The following SLC24A5 variants were observed in gnomAD, a reference collection of about 807,000 sequenced individuals.
The protein encoded by SLC24A5 is solute carrier family 24 member 5, also known as sodium/potassium/calcium exchanger 5.
Under a neutral mutation model 51.6 loss-of-function variants are expected in SLC24A5, and 46 were observed. The ratio of observed to expected loss-of-function variants is 0.89; its 90% CI spans 0.70 to 1.14. The LOEUF is 1.14. Among genes scored for constraint, SLC24A5 ranks in the 50% most tolerant of loss-of-function variants. The probability of loss-of-function intolerance (pLI) is 0.00; values close to 1 mark genes in which losing one functional copy is unlikely to be tolerated. For missense variants in SLC24A5, 581 were observed against 604.1 expected, an observed-to-expected ratio of 0.96 and a Z score of 0.40; for synonymous variants, 230 against 214.9, an observed-to-expected ratio of 1.07 and a Z score of -0.62.
At chr15:48,132,661 G>A (rs1426358109) in intron 2 of SLC24A5, among the ~76,000 whole-genome samples, 1 of 152,124 alleles carries the variant, frequency 6.6e-6, no homozygotes, top group African/African-American at 2.4e-5. Context: ...GCTATGGTCA[G>A]AGGATGGAGC....
Position 48,121,978 on chromosome 15 carries a change from G to A in SLC24A5, c.243G>A (p.Met81Ile), listed in dbSNP as rs1224920309. ...IYFLIIVYMF[M>I]AISIVCDEYF... ...TCCTAATTATCGTTTACATGTTCATGGCCATATCTATTGTCTGTGATGAAT... is the reference window on the plus strand; with the variant it reads ...TCCTAATTATCGTTTACATGTTCATAGCCATATCTATTGTCTGTGATGAAT... The change falls in exon 2 of 9, where the codon ATG (methionine) becomes ATA (isoleucine). Residue 81 changes from methionine to isoleucine, a missense_variant. Transcript: ENST00000341459. 7 of 1,613,982 alleles carry A rather than the reference G, an allele frequency of 4.3e-6. No individual in the cohort carries two copies. The African/African-American group carries it at 9.3e-5, about 22-fold the overall frequency.
intron 2 of SLC24A5, among the ~76,000 whole-genome samples, chr15:48,128,257 A>G (rs1376848834): frequency 1.3e-5 from 2 of 152,094 alleles, no homozygotes; most frequent in Non-Finnish European, 2.9e-5. Context: ...TTCCACAGTG[A>G]GCCAGCTATG....
chr15:48,142,115 G>C lies in SLC24A5; in HGVS notation c.1267G>C (p.Ala423Pro). Residue 423 changes from alanine (A) to proline (P), a missense_variant, in exon 9 of 9, where the codon GCA (alanine) becomes CCA (proline). Transcript: ENST00000341459. Reference sequence around the variant, plus strand: ...TGGTATTCCATGGTTTATTAAAACTGCATTTATAAATGGATCAGCTCCTGC... The same window carrying C: ...TGGTATTCCATGGTTTATTAAAACTCCATTTATAAATGGATCAGCTCCTGC... ...CLGIPWFIKTAFINGSAPAEV... is the reference protein window; with the variant it reads ...CLGIPWFIKTPFINGSAPAEV... 6.2e-7 allele frequency: 1 copy of C among 1,613,794 alleles called. No homozygotes were observed. Among genetic ancestry groups the C allele is most frequent in the Non-Finnish European group, 8.5e-7 (1 of 1,179,830 alleles).
At chr15:48,122,216 A>G in intron 2 of SLC24A5, 180 bp downstream of exon 2, 1 of 648,760 alleles carries the variant, frequency 1.5e-6, no homozygotes, top group South Asian at 1.8e-5. Context: ...TTGGTAGTTA[A>G]TGTGAATCAG....
chr15:48,128,486 G>A (rs1456722595), intron 2 of SLC24A5, among the ~76,000 whole-genome samples: 1 of 152,060 alleles, frequency 6.6e-6, no homozygotes, highest in South Asian at 2.1e-4. Flanking sequence ...TCAGACATAG[G>A]CAATAAGAAA....
chr15:48,126,987 G>C (rs1233682263), intron 2 of SLC24A5, among the ~76,000 whole-genome samples: 1 of 152,134 alleles, frequency 6.6e-6, no homozygotes, highest in Non-Finnish European at 1.5e-5. Context: ...GAAGGACACA[G>C]CCGTCATATG....
rs371724264 is a variant in SLC24A5, at chr15:48,141,155, T to C, written c.1121T>C (p.Leu374Ser). 1.9e-6 allele frequency: 3 copies of C among 1,613,872 alleles called. No individual in the cohort carries two copies. The African/African-American group carries it at 4.0e-5, about 22-fold the overall frequency. ...CCCGATACAGTAATGGGCCTTACTTTATTAGCAGCAGGAACAAGCATACCA... is the reference window on the plus strand; with the variant it reads ...CCCGATACAGTAATGGGCCTTACTTCATTAGCAGCAGGAACAAGCATACCA... ...EIPDTVMGLTLLAAGTSIPDT... is the reference protein window; with the variant it reads ...EIPDTVMGLTSLAAGTSIPDT... The change falls in exon 8 of 9, where the codon TTA becomes TCA. Residue 374 changes from leucine to serine, a missense_variant. By Grantham distance (145) the Leu-to-Ser change is moderately radical. Coordinates refer to ENST00000341459, the MANE Select transcript of SLC24A5 (RefSeq NM_205850.3).
In SLC24A5 at chr15:48,136,963, G is replaced by A. The variant is rs2038916002; in HGVS notation, c.871G>A (p.Asp291Asn). The A allele has an allele frequency of 6.2e-7, 1 of 1,603,488 alleles. No individual in the cohort carries two copies. The highest frequency in any genetic ancestry group is 1.3e-5 in the African/African-American group (1 of 74,584). ...SLHGLSQVSE[D>N]PPSVFNMPEA... is the part of the protein sequence containing the mutation. ...ACATGGCCTTAGTCAGGTTTCTGAA[G>A]GTAATCACTAAATCTTGCCCATTAT... The change falls in exon 6 of 9, where the codon GAT (aspartate) becomes AAT (asparagine). Residue 291 changes from aspartate to asparagine, a missense_variant and splice_region_variant. Asp to Asn is a conservative substitution (Grantham distance 23, BLOSUM62 1). Coordinates refer to ENST00000341459, the MANE Select transcript of SLC24A5 (RefSeq NM_205850.3).
chr15:48,139,133 T>C lies in SLC24A5; in HGVS notation c.1036T>C (p.Ser346Pro). The change falls in exon 7 of 9, where the codon TCC (serine) becomes CCC (proline). Residue 346 changes from serine (S) to proline (P), a missense_variant. Coordinates refer to ENST00000341459, the MANE Select transcript of SLC24A5 (RefSeq NM_205850.3). ...ITFFMSAIWISAFTYILVWMV... is the reference protein window; with the variant it reads ...ITFFMSAIWIPAFTYILVWMV... Reference sequence around the variant, plus strand: ...CTTTTTCATGTCTGCAATATGGATATCCGCATTTACATATATCCTGGTTTG... The same window carrying C: ...CTTTTTCATGTCTGCAATATGGATACCCGCATTTACATATATCCTGGTTTG... The C allele has an allele frequency of 6.2e-7, 1 of 1,612,992 alleles. No individual in the cohort carries two copies. Among genetic ancestry groups the C allele is most frequent in the Non-Finnish European group, 8.5e-7 (1 of 1,179,350 alleles).
intron 7 of SLC24A5, chr15:48,139,814 A>G (rs903538127): frequency 1.3e-5 from 2 of 152,126 alleles, no homozygotes; most frequent in African/African-American, 4.8e-5. Flanking sequence ...ACAAAGGTTA[A>G]CCCAAATTAA....
chr15:48,124,312 C>G (rs1412203044), intron 2 of SLC24A5: 1 of 151,786 alleles, frequency 6.6e-6, no homozygotes, highest in Non-Finnish European at 1.5e-5. Flanking sequence ...GTTCTTTTTT[C>G]CAACAGTTGA....
intron 7 of SLC24A5, 160 bp downstream of exon 7, chr15:48,139,335 C>T (rs2038983973): frequency 5.3e-6 from 3 of 568,128 alleles, no homozygotes; most frequent in Non-Finnish European, 9.2e-6. Flanking sequence ...ATAACAAGAT[C>T]ACTGGAGTTT....
rs566919363 is a variant in SLC24A5 at position 48,131,155 on chromosome 15, C to T, written c.302-3103C>T. ...AAAACAGTTAATTACAGAGCCATCT[C>T]CTTTATCTTTTTGTTCTATGTTTTA... is the stretch of plus-strand genomic sequence containing the variant. On this transcript the variant is annotated intron_variant, in intron 2 of 8. Transcript: ENST00000341459. 3.0e-4 allele frequency among the ~76,000 whole-genome samples: 46 copies of T among 152,130 alleles called. No homozygotes were observed. In the South Asian group the frequency reaches 8.3e-3, roughly 27 times the overall value.
Position 48,134,421 on chromosome 15 carries a change from T to C in SLC24A5, c.386-14T>C. ...AAGTTAACACTAACTTAGCTGGTAC[T>C]ATCTTGCACATAGGTGTATTTATCA... is the stretch of plus-strand genomic sequence containing the variant. On this transcript the variant is annotated splice_polypyrimidine_tract_variant and intron_variant, in intron 3 of 8. Transcript: ENST00000341459. 1.2e-6 allele frequency: 2 copies of C among 1,610,502 alleles called. No homozygotes were observed. The highest frequency in any genetic ancestry group is 1.7e-6 in the Non-Finnish European group (2 of 1,176,884).
intron 2 of SLC24A5, chr15:48,123,706 A>G (rs1254949516): frequency 1.3e-5 from 2 of 152,124 alleles, no homozygotes; most frequent in Non-Finnish European, 2.9e-5. Flanking sequence ...CTCTCTGATC[A>G]TTTCCTGATT....
Position 48,142,484 on chromosome 15 carries a change from C to G in SLC24A5, c.*133C>G. 1.6e-6 allele frequency: 1 copy of G among 641,146 alleles called. No individual in the cohort carries two copies. Among genetic ancestry groups the G allele is most frequent in the Non-Finnish European group, 2.4e-6 (1 of 419,116 alleles). 39.7% of individuals were successfully genotyped at this position (641,146 alleles called of 1,614,324 possible). ...AAAACTTACAGTAATTTAAAACCAACCAAAATCACATCCTAATTTTTCTGA... is the reference window on the plus strand; with the variant it reads ...AAAACTTACAGTAATTTAAAACCAAGCAAAATCACATCCTAATTTTTCTGA... On this transcript the variant is annotated 3_prime_UTR_variant, in exon 9 of 9. Transcript: ENST00000341459.
Position 48,141,144 on chromosome 15 carries a change from G to T in SLC24A5, c.1110G>T (p.Met370Ile). The change falls in exon 8 of 9, where the codon ATG becomes ATT. Residue 370 changes from methionine (M) to isoleucine (I), a missense_variant. Transcript: ENST00000341459. ...GETLEIPDTV[M>I]GLTLLAAGTS... is the part of the protein sequence containing the mutation. ...CACTAGAAATTCCCGATACAGTAAT[G>T]GGCCTTACTTTATTAGCAGCAGGAA... The T allele has an allele frequency of 1.2e-6, 2 of 1,613,700 alleles. No individual in the cohort carries two copies. Among genetic ancestry groups the T allele is most frequent in the Non-Finnish European group, 8.5e-7 (1 of 1,179,718 alleles).
At chr15:48,122,328 A>C in intron 2 of SLC24A5, 1 of 559,284 alleles carries the variant, frequency 1.8e-6, no homozygotes, top group Non-Finnish European at 3.2e-6. Flanking sequence ...AACTGTTCCA[A>C]GATTTCACTT....
At chr15:48,122,471 A>T (rs958416890) in intron 2 of SLC24A5, 1 of 205,610 alleles carries the variant, frequency 4.9e-6, no homozygotes, top group South Asian at 1.5e-4. Context: ...AACAAATGCA[A>T]TTAAGGACCA....
Sources: allele counts gnomAD v4.1 joint callset (sites outside exome capture counted in the v4.1 genomes callset), GRCh38; gene constraint gnomAD v4.1.1; transcripts MANE v1.5; gene names NCBI Gene and HGNC (gene_info 2026-07-23, HGNC 2026-07-21).